PPP1R2: variants seen among roughly 807,000 people sequenced by gnomAD.
PPP1R2 encodes protein phosphatase inhibitor 2.
Under a neutral mutation model 29.9 loss-of-function variants are expected in PPP1R2, and 16 were observed. The ratio of observed to expected loss-of-function variants is 0.53; its 90% CI spans 0.36 to 0.81. The LOEUF (loss-of-function observed/expected upper bound fraction) is 0.81, where lower values mean the gene tolerates loss of function less well. PPP1R2 is among the 30% of genes least tolerant of loss of function. PPP1R2 has a pLI of 0.00. For synonymous variants in PPP1R2, 76 were observed against 91.5 expected, an observed-to-expected ratio of 0.83 and a Z score of 0.96; for missense variants, 197 against 252.7, an observed-to-expected ratio of 0.78 and a Z score of 1.49.
Position 195,515,979 on chromosome 3 carries a change from A to ATGACAG in PPP1R2, c.*911_*916dup, listed in dbSNP as rs1170210757. 1 of 152,150 alleles carries ATGACAG rather than the reference A, an allele frequency of 6.6e-6. No homozygotes were observed. The highest frequency in any genetic ancestry group is 6.5e-5 in the Admixed American group (1 of 15,284). 9.4% of individuals were successfully genotyped at this position (152,150 alleles called of 1,614,324 possible). A position where few individuals can be genotyped will look rare whatever the true frequency, so the allele number is the denominator to read the frequency against. On this transcript the variant is annotated 3_prime_UTR_variant, in exon 6 of 6. Coordinates refer to ENST00000618156, the MANE Select transcript of PPP1R2 (RefSeq NM_006241.8). Reference sequence around the variant, plus strand: ...AATAAGAATTTCAACATAGCAGCAAATGACAGAAGAGTGAGAGAAAGAGCT... The same window carrying ATGACAG: ...AATAAGAATTTCAACATAGCAGCAAATGACAGTGACAGAAGAGTGAGAGAAAGAGCT...
At chr3:195,525,516 G>A (rs996807340) in intron 2 of PPP1R2, among the ~76,000 whole-genome samples, 1 of 152,096 alleles carries the variant, frequency 6.6e-6, no homozygotes, top group Non-Finnish European at 1.5e-5. Context: ...CCATCCAGTG[G>A]GAAGGAACAA....
intron 1 of PPP1R2, among the ~76,000 whole-genome samples, chr3:195,532,366 T>C (rs147348626): frequency 7.5e-4 from 114 of 152,104 alleles, no homozygotes; most frequent in African/African-American, 2.7e-3. Context: ...CAAATTAATA[T>C]GTCCTTAGTA....
intron 4 of PPP1R2, chr3:195,522,992 T>G (rs954497446): frequency 1.3e-5 from 2 of 152,248 alleles, no homozygotes; most frequent in Non-Finnish European, 2.9e-5. Context: ...ATACACAATT[T>G]TTTAACTCCT....
chr3:195,525,658 G>A (rs934973788), intron 2 of PPP1R2, among the ~76,000 whole-genome samples: 5 of 152,074 alleles, frequency 3.3e-5, no homozygotes, highest in African/African-American at 9.7e-5. Context: ...ATCTAATTTC[G>A]GAAGTTTACA....
At chr3:195,529,938 G>A (rs1330882296) in intron 1 of PPP1R2, 37 bp from the exon 2 acceptor site, 2 of 1,452,786 alleles carry the variant, frequency 1.4e-6, no homozygotes, top group Non-Finnish European at 9.5e-7. Flanking sequence ...TCCCAATGCA[G>A]AAAAAGATAA....
chr3:195,531,850 A>G (rs547884194), intron 1 of PPP1R2, among the ~76,000 whole-genome samples: 16 of 152,342 alleles, frequency 1.1e-4, no homozygotes, highest in African/African-American at 3.8e-4. Context: ...CTCATTAAGT[A>G]CTAACTCCCC....
chr3:195,517,710 T>A (rs1294038282), intron 5 of PPP1R2, among the ~76,000 whole-genome samples: 1 of 152,038 alleles, frequency 6.6e-6, no homozygotes, highest in African/African-American at 2.4e-5. Context: ...CAAAAAACGC[T>A]GCCTCTATAA....
intron 1 of PPP1R2, 81 bp downstream of exon 1, chr3:195,542,823 G>C: frequency 7.0e-7 from 1 of 1,430,660 alleles, no homozygotes; most frequent in Non-Finnish European, 9.2e-7. Context: ...CATCCACGCC[G>C]CCCGCCCGCC....
intron 2 of PPP1R2, among the ~76,000 whole-genome samples, chr3:195,527,577 T>A (rs955940994): frequency 6.6e-6 from 1 of 152,350 alleles, no homozygotes; most frequent in African/African-American, 2.4e-5. Context: ...ACTATTTTTT[T>A]AAATCATGTC....
intron 1 of PPP1R2, among the ~76,000 whole-genome samples, chr3:195,536,008 A>T (rs1289362031): frequency 6.6e-6 from 1 of 152,206 alleles, no homozygotes; most frequent in Non-Finnish European, 1.5e-5. Flanking sequence ...GATCTTTATG[A>T]TGATCCACTT....
chr3:195,543,217 C>T lies in PPP1R2; in HGVS notation c.-192G>A. On this transcript the variant is annotated 5_prime_UTR_variant, in exon 1 of 6. Coordinates refer to ENST00000618156, the MANE Select transcript of PPP1R2 (RefSeq NM_006241.8). ...ACGACCCCGACGCCAGAGCCAACGCCGAACGGGTGGCGGCTACTCGCGCAC... is the reference window on the plus strand; with the variant it reads ...ACGACCCCGACGCCAGAGCCAACGCTGAACGGGTGGCGGCTACTCGCGCAC... The T allele has an allele frequency of 2.8e-6, 2 of 719,134 alleles. No individual in the cohort carries two copies. The highest frequency in any genetic ancestry group is 4.2e-6 in the Non-Finnish European group (2 of 473,178). The allele number at this position is 719,134 out of a possible 1,614,324, so 44.5% of individuals were successfully genotyped here.
Position 195,543,078 on chromosome 3 carries a change from G to C in PPP1R2, c.-53C>G, listed in dbSNP as rs183192883. 16,193 of 1,564,458 alleles carry C rather than the reference G, an allele frequency of 0.01. 123 individuals are homozygous for C. The highest frequency in any genetic ancestry group is 0.012 in the Non-Finnish European group (13,692 of 1,155,584). ...GGTCGCTGCTTGGCGTGGGGTCCGCGAAGAGAAGGGTCGGCACAGCAGAGA... is the reference window on the plus strand; with the variant it reads ...GGTCGCTGCTTGGCGTGGGGTCCGCCAAGAGAAGGGTCGGCACAGCAGAGA... On this transcript the variant is annotated 5_prime_UTR_variant, in exon 1 of 6. Coordinates refer to ENST00000618156, the MANE Select transcript of PPP1R2 (RefSeq NM_006241.8).
intron 1 of PPP1R2, among the ~76,000 whole-genome samples, chr3:195,533,346 G>GGAA (rs1407895237): frequency 3.5e-5 from 5 of 144,442 alleles, no homozygotes; most frequent in Non-Finnish European, 7.5e-5. Flanking sequence ...CTCTGCCTCA[G>GGAA]GAAAAAAAAA....
At chr3:195,523,907 G>A in intron 3 of PPP1R2, 121 bp from the exon 4 acceptor site, 1 of 841,860 alleles carries the variant, frequency 1.2e-6, no homozygotes, top group Non-Finnish European at 1.9e-6. Flanking sequence ...GCTATAACCT[G>A]ATGAGGAAAA....
rs1230794917 is a variant in PPP1R2, at chr3:195,517,998, AT to A, written c.571+1019del. Reference sequence around the variant, plus strand: ...AAAATGGTAATACAATAATTATTTAATTTCCTAAGACTTAACCATTCTGGGC... The same window carrying A: ...AAAATGGTAATACAATAATTATTTAATTCCTAAGACTTAACCATTCTGGGC... On this transcript the variant is annotated intron_variant, in intron 5 of 5. Coordinates refer to ENST00000618156, the MANE Select transcript of PPP1R2 (RefSeq NM_006241.8). Among the ~76,000 whole-genome samples, 13 of 152,306 alleles carry A rather than the reference AT, an allele frequency of 8.5e-5. No homozygotes were observed. In the East Asian group the frequency reaches 2.5e-3, roughly 29 times the overall value.
At chr3:195,537,481 T>TTGTGTGTGTGTGTGTGTGTGTG (rs71180930) in intron 1 of PPP1R2, among the ~76,000 whole-genome samples, 1,969 of 128,478 alleles carry the variant, frequency 0.015, 30 homozygotes, top group Admixed American at 0.026. Flanking sequence ...GGATTAGCTA[T>TTGTGTGTGTGTGTGTGTGTGTG]TGTGTGTGTG....
intron 3 of PPP1R2, 129 bp downstream of exon 3, chr3:195,524,690 T>C: frequency 1.3e-6 from 1 of 775,886 alleles, no homozygotes; most frequent in Non-Finnish European, 2.1e-6. Flanking sequence ...GAAAAAAAAG[T>C]CGGCATAAAA....
chr3:195,528,426 TC>T (rs1719056062), intron 2 of PPP1R2, among the ~76,000 whole-genome samples: 1 of 152,222 alleles, frequency 6.6e-6, no homozygotes, highest in African/African-American at 2.4e-5. Flanking sequence ...TTTCATTATT[TC>T]TTTTTATGCT....
chr3:195,532,653 A>C (rs544132624), intron 1 of PPP1R2, among the ~76,000 whole-genome samples: 3 of 152,134 alleles, frequency 2.0e-5, no homozygotes, highest in Admixed American at 6.5e-5. Context: ...TTTATAGTTG[A>C]CCCTTGAATA....
Sources: allele counts gnomAD v4.1 joint callset (sites outside exome capture counted in the v4.1 genomes callset), GRCh38; gene constraint gnomAD v4.1.1; transcripts MANE v1.5; gene names NCBI Gene and HGNC (gene_info 2026-07-23, HGNC 2026-07-21).